DLG2: variants seen among roughly 807,000 people sequenced by gnomAD.
DLG2 encodes disks large homolog 2.
A neutral mutation model predicts 132.5 loss-of-function variants in DLG2; 45 were observed. The observed-to-expected ratio is 0.34, with a 90% CI of 0.27 to 0.44. DLG2 has a LOEUF of 0.44. Among genes scored for constraint, DLG2 ranks in the 20% least tolerant of loss-of-function variants. The pLI is 1.00. For synonymous variants in DLG2, 424 were observed against 419.6 expected (o/e 1.01, Z -0.13); for missense variants, 1,045 against 1,196.9 (o/e 0.87, Z 1.87).
chr11:83,541,887 T>C, intron 19 of DLG2, 29 bp from the exon 20 acceptor site: 1 of 1,560,996 alleles, frequency 6.4e-7, no homozygotes, highest in Non-Finnish European at 8.7e-7. Context: ...GAGGACATTG[T>C]TAGGAATCTC....
chr11:83,755,254 C>T (rs916171922), intron 18 of DLG2, among the ~76,000 whole-genome samples: 6 of 151,266 alleles, frequency 4.0e-5, no homozygotes, highest in Admixed American at 2.0e-4. Flanking sequence ...ACAGATTATA[C>T]ACTTGAATGA....
At chr11:83,467,842 CAT>C (rs72288955) in intron 25 of DLG2, among the ~76,000 whole-genome samples, 39,432 of 116,588 alleles carry the variant, frequency 0.34, 6,823 homozygotes, top group Middle Eastern at 0.5. Flanking sequence ...ATAATTAAAA[CAT>C]ATATATATAT....
intron 6 of DLG2, chr11:85,021,703 C>G: frequency 4.6e-6 from 4 of 875,036 alleles, no homozygotes; most frequent in Non-Finnish European, 7.4e-6. Flanking sequence ...GGCTGAAGAT[C>G]AAAAAAAATC....
intron 18 of DLG2, among the ~76,000 whole-genome samples, chr11:83,706,416 A>AGATATTAT (rs2153654162): frequency 6.6e-6 from 1 of 152,238 alleles, no homozygotes; most frequent in Admixed American, 6.5e-5. Flanking sequence ...CACTTGGCAA[A>AGATATTAT]GATATTATAG....
At chr11:84,530,759 A>G (rs1392207393) in intron 7 of DLG2, among the ~76,000 whole-genome samples, 1 of 152,228 alleles carries the variant, frequency 6.6e-6, no homozygotes, top group Non-Finnish European at 1.5e-5. Context: ...TCGACCAAGC[A>G]ATCTCATTAT....
chr11:83,787,466 T>C (rs1419617298), intron 17 of DLG2, among the ~76,000 whole-genome samples: 5 of 151,438 alleles, frequency 3.3e-5, no homozygotes, highest in African/African-American at 4.9e-5. Flanking sequence ...GGATTACAGG[T>C]GCCCGCCACC....
At chr11:84,483,114 C>T (rs146296853) in intron 7 of DLG2, among the ~76,000 whole-genome samples, 7 of 152,088 alleles carry the variant, frequency 4.6e-5, no homozygotes, top group South Asian at 2.1e-4. Context: ...ACATAAAGAA[C>T]GACATCTGCA....
At chr11:85,426,254 A>G (rs1057301696) in intron 3 of DLG2, among the ~76,000 whole-genome samples, 1 of 152,186 alleles carries the variant, frequency 6.6e-6, no homozygotes, top group African/African-American at 2.4e-5. Context: ...TTAAATGTCC[A>G]TGTCTGACAG....
chr11:84,022,921 G>A (rs2095436053), intron 11 of DLG2, among the ~76,000 whole-genome samples: 2 of 152,146 alleles, frequency 1.3e-5, no homozygotes, highest in African/African-American at 2.4e-5. Context: ...AAACAATGAT[G>A]TAGTAGCAAG....
At chr11:84,834,683 T>C (rs1325430672) in intron 6 of DLG2, among the ~76,000 whole-genome samples, 1 of 151,296 alleles carries the variant, frequency 6.6e-6, no homozygotes, top group Non-Finnish European at 1.5e-5. Flanking sequence ...AGGGCAAACA[T>C]TTTGGAGGAA....
At chr11:85,539,263 G>A (rs1366060736) in intron 3 of DLG2, among the ~76,000 whole-genome samples, 1 of 149,480 alleles carries the variant, frequency 6.7e-6, no homozygotes, top group Non-Finnish European at 1.5e-5. Context: ...TGATACAGCT[G>A]TCACTCCATT....
intron 6 of DLG2, among the ~76,000 whole-genome samples, chr11:84,571,567 A>T (rs1430385851): frequency 6.6e-6 from 1 of 152,078 alleles, no homozygotes; most frequent in Admixed American, 6.6e-5. Context: ...TGCTCACCAG[A>T]TATCAAATGC....
chr11:84,362,560 CA>C (rs2098655863), intron 7 of DLG2, among the ~76,000 whole-genome samples: 1 of 151,486 alleles, frequency 6.6e-6, no homozygotes, highest in African/African-American at 2.4e-5. Flanking sequence ...GCACAATGTG[CA>C]GGTTAGTTAC....
At chr11:83,979,041 A>C (rs1168187590) in intron 12 of DLG2, among the ~76,000 whole-genome samples, 1 of 152,142 alleles carries the variant, frequency 6.6e-6, no homozygotes, top group East Asian at 1.9e-4. Flanking sequence ...GAAATATGTT[A>C]CATTACAAAA....
At chr11:84,283,803 G>T (rs1257334459) in intron 7 of DLG2, among the ~76,000 whole-genome samples, 1 of 152,016 alleles carries the variant, frequency 6.6e-6, no homozygotes, top group Non-Finnish European at 1.5e-5. Flanking sequence ...CTCTTTAAAG[G>T]TTTGCTTGAT....
At chr11:85,094,924 A>G (rs2069466692) in intron 6 of DLG2, among the ~76,000 whole-genome samples, 1 of 152,168 alleles carries the variant, frequency 6.6e-6, no homozygotes, top group African/African-American at 2.4e-5. Context: ...ATTGAAAGTG[A>G]GAGAAGTGTG....
At chr11:85,285,445 G>A in intron 3 of DLG2, 80 bp from the exon 4 acceptor site, 3 of 1,321,420 alleles carry the variant, frequency 2.3e-6, no homozygotes, top group South Asian at 1.5e-5. Flanking sequence ...TCCATATATA[G>A]ACATACAGAA....
At chr11:84,877,687 G>T (rs1365448261) in intron 6 of DLG2, among the ~76,000 whole-genome samples, 3 of 151,784 alleles carry the variant, frequency 2.0e-5, no homozygotes, top group African/African-American at 7.3e-5. Flanking sequence ...AGGGCATTTA[G>T]CCCGTTTATA....
At chr11:84,544,190 G>A (rs1236555231) in intron 6 of DLG2, among the ~76,000 whole-genome samples, 1 of 152,192 alleles carries the variant, frequency 6.6e-6, no homozygotes, top group Non-Finnish European at 1.5e-5. Context: ...AGGATCTAGG[G>A]AAGGCTAGAC....
Sources: gnomAD v4.1 joint callset for allele counts (sites outside exome capture counted in the v4.1 genomes callset) on GRCh38, gnomAD v4.1.1 for gene constraint, MANE v1.5 for transcripts, NCBI Gene and HGNC (gene_info 2026-07-23, HGNC 2026-07-21) for gene names.